The following QKI variants were observed in gnomAD, a reference collection of about 807,000 sequenced individuals.
The protein encoded by QKI is KH domain-containing RNA-binding protein QKI.
In QKI, 10 loss-of-function variants were observed where a neutral mutation model predicts 39.0. That is an observed-to-expected ratio of 0.26 (90% CI 0.16 to 0.43). QKI has a LOEUF of 0.43. QKI is among the 20% of genes least tolerant of loss of function. The pLI, the probability that QKI is intolerant of heterozygous loss-of-function variation, is 1.00. For missense variants in QKI, 218 were observed against 428.0 expected (o/e 0.51, Z 4.33); for synonymous variants, 204 against 155.4 (o/e 1.31, Z -2.33).
chr6:163,523,157 C>G (rs934664152), intron 3 of QKI, among the ~76,000 whole-genome samples: 1 of 152,164 alleles, frequency 6.6e-6, no homozygotes, highest in Non-Finnish European at 1.5e-5. Flanking sequence ...TTATGGGACT[C>G]TGGTTCAGTT....
At chr6:163,462,204 C>T (rs1791406547) in intron 2 of QKI, among the ~76,000 whole-genome samples, 1 of 152,176 alleles carries the variant, frequency 6.6e-6, no homozygotes, top group Non-Finnish European at 1.5e-5. Flanking sequence ...AATCTTCCTG[C>T]CTCAGCCTCC....
chr6:163,490,184 T>C (rs1402291979), intron 3 of QKI, among the ~76,000 whole-genome samples: 3 of 152,202 alleles, frequency 2.0e-5, no homozygotes, highest in Non-Finnish European at 2.9e-5. Flanking sequence ...GAGGGAACCT[T>C]ATTAAGTCAT....
chr6:163,514,131 A>G (rs1263129028), intron 3 of QKI, among the ~76,000 whole-genome samples: 1 of 152,122 alleles, frequency 6.6e-6, no homozygotes, highest in African/African-American at 2.4e-5. Flanking sequence ...GGCTGCTCAG[A>G]GCTCACCCAA....
chr6:163,423,690 C>G (rs575226276), intron 1 of QKI: 19 of 152,284 alleles, frequency 1.2e-4, no homozygotes, highest in Non-Finnish European at 2.2e-4. Flanking sequence ...TTATTTTTAA[C>G]GATAACTTTC....
intron 3 of QKI, among the ~76,000 whole-genome samples, chr6:163,496,717 T>G (rs764185032): frequency 1.1e-4 from 16 of 152,324 alleles, no homozygotes; most frequent in Middle Eastern, 6.8e-3. Context: ...ACACATGCTC[T>G]CATCATAGGG....
chr6:163,552,203 G>GTT (rs1782272263), intron 4 of QKI, among the ~76,000 whole-genome samples: 1 of 107,390 alleles, frequency 9.3e-6, no homozygotes, highest in African/African-American at 3.4e-5. Flanking sequence ...AAGTTCGTTC[G>GTT]TTCTTTTTTT....
At chr6:163,447,249 ATTT>A (rs4038332) in intron 1 of QKI, among the ~76,000 whole-genome samples, 23,600 of 119,784 alleles carry the variant, frequency 0.2, 1,722 homozygotes, top group Middle Eastern at 0.29. Flanking sequence ...GGTGCACGTG[ATTT>A]TTTTTTTTTT....
chr6:163,426,506 T>TTTTTG (rs893210270), intron 1 of QKI, among the ~76,000 whole-genome samples: 89 of 152,250 alleles, frequency 5.8e-4, no homozygotes, highest in African/African-American at 1.9e-3. Flanking sequence ...AAGGTAGTTT[T>TTTTTG]TTTTGTTTTG....
chr6:163,565,000 G>A (rs1030167210), intron 6 of QKI: 4 of 1,252,362 alleles, frequency 3.2e-6, no homozygotes, highest in Non-Finnish European at 4.0e-6. Context: ...AGTAAAGAAA[G>A]CCATGATGCT....
At chr6:163,561,394 G>A (rs1782994240) in intron 4 of QKI, among the ~76,000 whole-genome samples, 1 of 152,124 alleles carries the variant, frequency 6.6e-6, no homozygotes, top group Admixed American at 6.5e-5. Context: ...ATCACTTGAA[G>A]CCAGGAGTTT....
In QKI at chr6:163,457,625, A is replaced by G. The variant is rs928343435; in HGVS notation, c.285+2204A>G. On this transcript the variant is annotated intron_variant, in intron 2 of 7. Coordinates refer to ENST00000361752, the MANE Select transcript of QKI (RefSeq NM_006775.3). ...CGATGCATGCTGAAGTATGAGAATC[A>G]CTCCTCTAATTTTTTTTTTTTTTTT... The G allele has an allele frequency of 2.4e-4, 66 of 272,904 alleles. 1 individual carries two copies. The highest frequency in any genetic ancestry group is 1.9e-3 in the South Asian group (61 of 32,278). 16.9% of individuals were successfully genotyped at this position (272,904 alleles called of 1,614,324 possible). A position where few individuals can be genotyped will look rare whatever the true frequency, so the allele number is the denominator to read the frequency against.
Position 163,418,556 on chromosome 6 carries a change from T to G in QKI, c.142+3221T>G, listed in dbSNP as rs937001546. Reference sequence around the variant, plus strand: ...TCCACTGAAGTATCTTCAACACGGTTGTTTTTTAAAGTTGTGAATACATTT... The same window carrying G: ...TCCACTGAAGTATCTTCAACACGGTGGTTTTTTAAAGTTGTGAATACATTT... On this transcript the variant is annotated intron_variant, in intron 1 of 7. Coordinates refer to ENST00000361752, the MANE Select transcript of QKI (RefSeq NM_006775.3). 2.9e-4 allele frequency among the ~76,000 whole-genome samples: 44 copies of G among 152,264 alleles called. 1 individual carries two copies. Among genetic ancestry groups the G allele is most frequent in the Admixed American group, 2.5e-3 (38 of 15,294 alleles).
chr6:163,453,774 G>T (rs1487029298), intron 1 of QKI, among the ~76,000 whole-genome samples: 1 of 152,062 alleles, frequency 6.6e-6, no homozygotes, highest in Admixed American at 6.6e-5. Flanking sequence ...AAAGCATTTC[G>T]TAAGCTTTGA....
intron 2 of QKI, among the ~76,000 whole-genome samples, chr6:163,471,682 T>C (rs1207242575): frequency 6.6e-6 from 1 of 152,064 alleles, no homozygotes; most frequent in Non-Finnish European, 1.5e-5. Flanking sequence ...AGAAAATACG[T>C]TCATATTTTC....
intron 1 of QKI, among the ~76,000 whole-genome samples, chr6:163,436,255 G>A (rs1789261730): frequency 6.6e-6 from 1 of 152,152 alleles, no homozygotes; most frequent in Non-Finnish European, 1.5e-5. Context: ...AGGTAAAGAA[G>A]TGTTAACTTC....
chr6:163,518,151 T>C (rs969488213), intron 3 of QKI, among the ~76,000 whole-genome samples: 3 of 152,204 alleles, frequency 2.0e-5, no homozygotes, highest in Non-Finnish European at 2.9e-5. Flanking sequence ...CTGATTCTTA[T>C]CTTAAATGGA....
At chr6:163,451,895 A>G (rs937140992) in intron 1 of QKI, among the ~76,000 whole-genome samples, 1 of 152,242 alleles carries the variant, frequency 6.6e-6, no homozygotes, top group African/African-American at 2.4e-5. Flanking sequence ...GCATGTTTCC[A>G]TAGTAGTTTG....
At chr6:163,535,731 G>A (rs1199702288) in intron 4 of QKI, among the ~76,000 whole-genome samples, 1 of 152,050 alleles carries the variant, frequency 6.6e-6, no homozygotes, top group Non-Finnish European at 1.5e-5. Context: ...AGGAGTTTGA[G>A]CCCAGCCTGG....
At position 163,541,757 on chromosome 6, in the gene QKI, T is replaced by C. The variant is rs57862655; in HGVS notation, c.546+6632T>C. Among the ~76,000 whole-genome samples the C allele has an allele frequency of 4.9e-3, 745 of 152,156 alleles. 5 individuals are homozygous for C. The highest frequency in any genetic ancestry group is 0.017 in the African/African-American group (703 of 41,554). On this transcript the variant is annotated intron_variant, in intron 4 of 7. Coordinates refer to ENST00000361752, the MANE Select transcript of QKI (RefSeq NM_006775.3). ...TTTCATTTCATATGATAGTAACTTT[T>C]TCCTTCTTTTAATTTTGAGGTCTTT...
Sources: gnomAD v4.1 joint callset for allele counts (sites outside exome capture counted in the v4.1 genomes callset) on GRCh38, gnomAD v4.1.1 for gene constraint, MANE v1.5 for transcripts, NCBI Gene and HGNC (gene_info 2026-07-23, HGNC 2026-07-21) for gene names.